FBXL20: variants seen among roughly 807,000 people sequenced by gnomAD.
The protein encoded by FBXL20 is F-box/LRR-repeat protein 20.
A neutral mutation model predicts 64.0 loss-of-function variants in FBXL20; 11 were observed. That is an observed-to-expected ratio of 0.17 (90% confidence interval 0.11 to 0.28). FBXL20 has a LOEUF of 0.28. Ranked by LOEUF, FBXL20 falls within the 10% of genes least tolerant of loss-of-function variation. The pLI, the probability that FBXL20 is intolerant of heterozygous loss-of-function variation, is 1.00. For synonymous variants in FBXL20, 184 were observed against 189.0 expected (o/e 0.97, Z 0.22); for missense variants, 303 against 526.2 (o/e 0.58, Z 4.15).
chr17:39,313,340 T>C (rs985790241), intron 2 of FBXL20, among the ~76,000 whole-genome samples: 1 of 151,640 alleles, frequency 6.6e-6, no homozygotes, highest in Non-Finnish European at 1.5e-5. Context: ...TTCAAGTGAT[T>C]CTCCTGCCTC....
At position 39,256,717 on chromosome 17, in the gene FBXL20, G is replaced by A. The variant is rs1228256127; in HGVS notation, c.*4743C>T. 6.6e-6 allele frequency: 1 copy of A among 152,156 alleles called. No homozygotes were observed. The highest frequency in any genetic ancestry group is 1.5e-5 in the Non-Finnish European group (1 of 68,068). The allele number at this position is 152,156 out of a possible 1,614,324, so 9.4% of individuals were successfully genotyped here. A position where few individuals can be genotyped will look rare whatever the true frequency, so the allele number is the denominator to read the frequency against. The stretch of plus-strand genomic sequence containing the variant: ...CTTTAAACCCCTCCTCTCACTGGTA[G>A]CAACTGGCATGAGCCGCCTGTGACT... On this transcript the variant is annotated 3_prime_UTR_variant, in exon 15 of 15. Coordinates refer to ENST00000264658, the MANE Select transcript of FBXL20 (RefSeq NM_032875.3).
chr17:39,266,205 A>G (rs1246636225), intron 12 of FBXL20, among the ~76,000 whole-genome samples: 10 of 144,890 alleles, frequency 6.9e-5, no homozygotes, highest in African/African-American at 2.6e-4. Flanking sequence ...AGTAGCTGGG[A>G]TTACAGGCTA....
At chr17:39,363,827 C>CAAAAAAAAAACAAAAAA (rs1555612706) in intron 1 of FBXL20, among the ~76,000 whole-genome samples, 2 of 78,028 alleles carry the variant, frequency 2.6e-5, no homozygotes, top group African/African-American at 1.1e-4. Flanking sequence ...AAAAAAAAAA[C>CAAAAAAAAAACAAAAAA]AAAAAACAAA....
intron 6 of FBXL20, among the ~76,000 whole-genome samples, chr17:39,290,750 A>C (rs929116119): frequency 5.3e-5 from 8 of 151,830 alleles, no homozygotes; most frequent in African/African-American, 1.5e-4. Flanking sequence ...TTTTGTAGAG[A>C]TGGGGTCCCA....
intron 2 of FBXL20, among the ~76,000 whole-genome samples, chr17:39,323,094 C>T (rs1404725810): frequency 2.6e-5 from 4 of 152,150 alleles, no homozygotes; most frequent in Non-Finnish European, 5.9e-5. Context: ...CTCAGCCTCC[C>T]GAGTAGCTGA....
At chr17:39,309,058 G>C (rs1425681266) in intron 2 of FBXL20, among the ~76,000 whole-genome samples, 37 of 152,098 alleles carry the variant, frequency 2.4e-4, no homozygotes, top group Admixed American at 2.4e-3. Flanking sequence ...TTATTAAAAA[G>C]TTCCAGCAAA....
At chr17:39,282,295 AAT>A (rs139608617) in intron 8 of FBXL20, among the ~76,000 whole-genome samples, 112 of 152,308 alleles carry the variant, frequency 7.4e-4, no homozygotes, top group Non-Finnish European at 1.3e-3. Context: ...AATAAGCATC[AAT>A]ACTATAAAAT....
At chr17:39,293,826 C>CT (rs1313740810) in intron 6 of FBXL20, among the ~76,000 whole-genome samples, 21 of 128,340 alleles carry the variant, frequency 1.6e-4, no homozygotes, top group Middle Eastern at 3.8e-3. Context: ...TTTCTGTAGC[C>CT]TTTATTTTTT....
At chr17:39,345,538 A>G (rs115465402) in intron 1 of FBXL20, among the ~76,000 whole-genome samples, 2,242 of 143,224 alleles carry the variant, frequency 0.016, 58 homozygotes, top group African/African-American at 0.061. Flanking sequence ...CATTTAAAGA[A>G]TAATTTTAAT....
chr17:39,300,867 C>T, intron 4 of FBXL20, 134 bp downstream of exon 4: 1 of 747,008 alleles, frequency 1.3e-6, no homozygotes, highest in South Asian at 2.1e-5. Flanking sequence ...TTTGGGGGTT[C>T]CTGTAAAGTT....
intron 1 of FBXL20, among the ~76,000 whole-genome samples, chr17:39,384,496 C>A (rs2048058151): frequency 1.3e-5 from 2 of 151,334 alleles, no homozygotes; most frequent in African/African-American, 4.9e-5. Flanking sequence ...CTGCACTCCA[C>A]CCTGGAGGCA....
chr17:39,382,566 C>T (rs2144658148), intron 1 of FBXL20, among the ~76,000 whole-genome samples: 1 of 152,158 alleles, frequency 6.6e-6, no homozygotes, highest in East Asian at 1.9e-4. Context: ...GGCAAAGTGG[C>T]TCATACCTGT....
intron 2 of FBXL20, among the ~76,000 whole-genome samples, chr17:39,306,029 C>T (rs1335391909): frequency 6.6e-6 from 1 of 151,804 alleles, no homozygotes; most frequent in Non-Finnish European, 1.5e-5. Context: ...GCCAGGCATG[C>T]TGGTATATGC....
intron 2 of FBXL20, among the ~76,000 whole-genome samples, chr17:39,307,929 C>T (rs567325595): frequency 1.3e-5 from 2 of 150,314 alleles, no homozygotes; most frequent in Non-Finnish European, 3.0e-5. Context: ...TGAGATGGCT[C>T]CACTGCACTC....
At chr17:39,402,103 T>C (rs1224395777), upstream of FBXL20, 4 of 1,213,838 alleles carry the variant, frequency 3.3e-6, no homozygotes, top group Non-Finnish European at 4.1e-6. Context: ...CCCTCGTCAC[T>C]TGTTCCCCAG....
At chr17:39,285,408 T>G in intron 7 of FBXL20, 70 bp downstream of exon 7, 1 of 1,044,022 alleles carries the variant, frequency 9.6e-7, no homozygotes, top group Non-Finnish European at 1.4e-6. Flanking sequence ...ATTCCCACTT[T>G]ATATCAATTA....
In FBXL20 at chr17:39,256,998, T is replaced by C. The variant is rs1408437247; in HGVS notation, c.*4462A>G. The C allele has an allele frequency of 1.3e-5, 2 of 152,194 alleles. No individual in the cohort carries two copies. Among genetic ancestry groups the C allele is most frequent in the East Asian group, 3.8e-4 (2 of 5,196 alleles). 9.4% of individuals were successfully genotyped at this position (152,194 alleles called of 1,614,324 possible). On this transcript the variant is annotated 3_prime_UTR_variant, in exon 15 of 15. Transcript: ENST00000264658. ...GCATTTTTTTCTTTCTTTCTTTCTT[T>C]TTTTTTGAGATAGTCTCACTCTGTC...
rs2046772299 is a variant in FBXL20 at position 39,264,214 on chromosome 17, G to A, written c.1164C>T (p.Asp388=). ...CHSLERIELY[D]CQQITRAGIK... Reference sequence around the variant, plus strand: ...TTCCAGCCCGTGTGATTTGCTGGCAGTCATAGAGTTCTATCCGCTCAAGGC... The same window carrying A: ...TTCCAGCCCGTGTGATTTGCTGGCAATCATAGAGTTCTATCCGCTCAAGGC... The change falls in exon 14 of 15, where the codon GAC becomes GAT. Residue 388 remains aspartate (D), a synonymous_variant. Transcript: ENST00000264658. 1 of 1,614,226 alleles carries A rather than the reference G, an allele frequency of 6.2e-7. No individual in the cohort carries two copies. The highest frequency in any genetic ancestry group is 1.1e-5 in the South Asian group (1 of 91,088).
chr17:39,293,034 C>A (rs980935679), intron 6 of FBXL20, among the ~76,000 whole-genome samples: 3 of 152,000 alleles, frequency 2.0e-5, no homozygotes, highest in Admixed American at 2.0e-4. Flanking sequence ...CTCAGGTGAT[C>A]CGCCCACCTT....
Sources: gnomAD v4.1 joint callset for allele counts (sites outside exome capture counted in the v4.1 genomes callset) on GRCh38, gnomAD v4.1.1 for gene constraint, MANE v1.5 for transcripts, NCBI Gene and HGNC (gene_info 2026-07-23, HGNC 2026-07-21) for gene names.